Variants in ATP10B observed in about 807,000 individuals in gnomAD.
The protein encoded by ATP10B is phospholipid-transporting ATPase VB.
A neutral mutation model predicts 141.2 loss-of-function variants in ATP10B; 122 were observed. The observed-to-expected ratio is 0.86, with a 90% CI of 0.75 to 1.00. The LOEUF (loss-of-function observed/expected upper bound fraction) is 1.00, where lower values mean the gene tolerates loss of function less well. Ranked by LOEUF, ATP10B falls within the 50% of genes least tolerant of loss-of-function variation. The probability of loss-of-function intolerance (pLI) is 0.00; values close to 1 mark genes in which losing one functional copy is unlikely to be tolerated. For synonymous variants in ATP10B, 685 were observed against 692.0 expected (o/e 0.99, Z 0.16); for missense variants, 1,876 against 1,825.3 (o/e 1.03, Z -0.51).
the ATP10B span, among the ~76,000 whole-genome samples, chr5:160,886,415 G>A: frequency 8.9e-4 from 135 of 152,186 alleles, no homozygotes; most frequent in Admixed American, 1.8e-3. Context: ...ATAAAGTAGA[G>A]TGTGTTTTGA....
At position 160,687,901 on chromosome 5, in the gene ATP10B, A is replaced by G. The variant is rs769684474; in HGVS notation, c.174T>C (p.Asp58=). 1.9e-6 allele frequency: 3 copies of G among 1,613,938 alleles called. No homozygotes were observed. The highest frequency in any genetic ancestry group is 3.3e-5 in the Admixed American group (2 of 59,988). Residue 58 remains aspartate (D), a synonymous_variant, in exon 5 of 26, where the codon GAT becomes GAC. Coordinates refer to ENST00000327245, the MANE Select transcript of ATP10B (RefSeq NM_025153.3). Reference sequence around the variant, plus strand: ...GGTATCTCCTGGAGACCTCTTCCCAATCTTGATGGAATATGCTGTTGTTGG... The same window carrying G: ...GGTATCTCCTGGAGACCTCTTCCCAGTCTTGATGGAATATGCTGTTGTTGG... ...VFPNNSIFHQ[D]WEEVSRRYPG...
chr5:160,678,863 G>A (rs1289808574), intron 6 of ATP10B, among the ~76,000 whole-genome samples: 1 of 152,140 alleles, frequency 6.6e-6, no homozygotes, highest in Non-Finnish European at 1.5e-5. Flanking sequence ...GAAAAGCCCA[G>A]GTCCCATGTC....
chr5:160,667,483 A>C (rs1762393344), intron 7 of ATP10B, among the ~76,000 whole-genome samples: 1 of 152,210 alleles, frequency 6.6e-6, no homozygotes, highest in Admixed American at 6.5e-5. Flanking sequence ...AATGAAAAAA[A>C]CACTCTTGAG....
At chr5:160,913,088 A>T in the ATP10B span, among the ~76,000 whole-genome samples, 1 of 152,238 alleles carries the variant, frequency 6.6e-6, no homozygotes, top group Admixed American at 6.5e-5. Context: ...ACTTTGTTAA[A>T]TGAGGCAACA....
chr5:160,632,521 AG>A, intron 12 of ATP10B, 154 bp from the exon 13 acceptor site: 1 of 648,238 alleles, frequency 1.5e-6, no homozygotes, highest in Non-Finnish European at 2.7e-6. Flanking sequence ...TGGAGAAAGA[AG>A]GGTAAAACTA....
intron 3 of ATP10B, 56 bp from the exon 4 acceptor site, chr5:160,688,999 G>A (rs1763922814): frequency 2.2e-6 from 2 of 928,962 alleles, no homozygotes; most frequent in African/African-American, 3.6e-5. Flanking sequence ...AAGAAATGCT[G>A]CTTTACAGCA....
At chr5:160,608,845 G>C (rs1369254579) in intron 18 of ATP10B, among the ~76,000 whole-genome samples, 2 of 152,094 alleles carry the variant, frequency 1.3e-5, no homozygotes, top group Non-Finnish European at 1.5e-5. Flanking sequence ...TTTGTCAGAT[G>C]GGTAGATTGC....
At chr5:160,767,271 A>G (rs1273277833) in intron 2 of ATP10B, among the ~76,000 whole-genome samples, 1 of 152,148 alleles carries the variant, frequency 6.6e-6, no homozygotes, top group East Asian at 1.9e-4. Context: ...ATGTCACTTG[A>G]GCAATCAGAG....
intron 13 of ATP10B, among the ~76,000 whole-genome samples, chr5:160,628,229 A>G (rs1758710221): frequency 6.6e-6 from 1 of 152,252 alleles, no homozygotes; most frequent in African/African-American, 2.4e-5. Context: ...TGAAGCAAGA[A>G]GGGAGTTTTC....
At chr5:160,753,684 A>G (rs1476799550) in intron 2 of ATP10B, among the ~76,000 whole-genome samples, 1 of 152,228 alleles carries the variant, frequency 6.6e-6, no homozygotes, top group African/African-American at 2.4e-5. Flanking sequence ...ATTATAACAA[A>G]TAACTGCAAC....
At chr5:160,649,326 G>A in intron 7 of ATP10B, 70 bp from the exon 8 acceptor site, 1 of 1,091,354 alleles carries the variant, frequency 9.2e-7, no homozygotes, top group Non-Finnish European at 1.4e-6. Context: ...CACTGGGAGA[G>A]CTAATCACTG....
intron 1 of ATP10B, among the ~76,000 whole-genome samples, chr5:160,815,028 G>T (rs1334442092): frequency 6.6e-6 from 1 of 152,184 alleles, no homozygotes; most frequent in South Asian, 2.1e-4. Context: ...CCACTGCAAA[G>T]ACATGACAAA....
chr5:160,902,127 G>A, the ATP10B span, among the ~76,000 whole-genome samples: 1 of 152,038 alleles, frequency 6.6e-6, no homozygotes, highest in Non-Finnish European at 1.5e-5. Flanking sequence ...CTAAAAATAA[G>A]CACATTACTA....
chr5:160,731,666 A>T (rs969934355), intron 2 of ATP10B, among the ~76,000 whole-genome samples: 1 of 152,176 alleles, frequency 6.6e-6, no homozygotes, highest in African/African-American at 2.4e-5. Flanking sequence ...TGTCTTTATG[A>T]TATGAATAAC....
chr5:160,871,460 A>G, the ATP10B span, among the ~76,000 whole-genome samples: 1 of 152,098 alleles, frequency 6.6e-6, no homozygotes, highest in Admixed American at 6.6e-5. Context: ...TGGTGCACCC[A>G]TCACCTGCGC....
Position 160,823,538 on chromosome 5 carries a change from C to A in ATP10B, c.-576+28403G>T, listed in dbSNP as rs892048353. On this transcript the variant is annotated intron_variant, in intron 1 of 25. Transcript: ENST00000327245. ...GCACGTGCTTAAATTTTAAGTTAAC[C>A]CAGAACTTAAAATTAAAATTTAAGA... Among the ~76,000 whole-genome samples, 22 of 152,096 alleles carry A rather than the reference C, an allele frequency of 1.4e-4. 1 individual carries two copies. Among genetic ancestry groups the A allele is most frequent in the Admixed American group, 3.3e-4 (5 of 15,272 alleles).
intron 21 of ATP10B, 116 bp downstream of exon 21, chr5:160,602,461 T>A (rs1438425518): frequency 7.2e-7 from 1 of 1,387,450 alleles, no homozygotes; most frequent in East Asian, 2.4e-5. Flanking sequence ...TCTAACACTA[T>A]GCCAGCCTGA....
intron 2 of ATP10B, among the ~76,000 whole-genome samples, chr5:160,755,838 A>ATT (rs1336419143): frequency 2.2e-5 from 1 of 45,408 alleles, no homozygotes; most frequent in Non-Finnish European, 4.1e-5. Context: ...AAAAAAAAAA[A>ATT]ATATATATAT....
intron 1 of ATP10B, among the ~76,000 whole-genome samples, chr5:160,819,698 G>C (rs915355643): frequency 6.6e-6 from 1 of 152,110 alleles, no homozygotes; most frequent in Non-Finnish European, 1.5e-5. Flanking sequence ...TTAAAATGTG[G>C]AGTTTTTATT....
Sources: allele counts gnomAD v4.1 joint callset (sites outside exome capture counted in the v4.1 genomes callset), GRCh38; gene constraint gnomAD v4.1.1; transcripts MANE v1.5; gene names NCBI Gene and HGNC (gene_info 2026-07-23, HGNC 2026-07-21).